The following NEBL variants were observed in gnomAD, a reference collection of about 807,000 sequenced individuals.
The protein encoded by NEBL is LIM and SH3 protein 2.
In NEBL, 122 loss-of-function variants were observed where a neutral mutation model predicts 140.2. That is an observed-to-expected ratio of 0.87 (90% CI 0.75 to 1.01). The LOEUF (loss-of-function observed/expected upper bound fraction) is 1.01. NEBL is among the 50% of genes least tolerant of loss of function. NEBL has a pLI of 0.00. For synonymous variants in NEBL, 436 were observed against 398.9 expected (o/e 1.09, Z -1.11); for missense variants, 1,365 against 1,231.3 (o/e 1.11, Z -1.62).
At chr10:21,194,365 A>C (rs576770056) in intron 3 of NEBL, among the ~76,000 whole-genome samples, 2 of 151,844 alleles carry the variant, frequency 1.3e-5, no homozygotes, top group Non-Finnish European at 2.9e-5. Context: ...AAGTTATTGA[A>C]GTAAGCATTG....
intron 8 of NEBL, 75 bp from the exon 9 acceptor site, chr10:20,858,419 T>C (rs976077050): frequency 1.4e-5 from 17 of 1,241,828 alleles, no homozygotes; most frequent in Non-Finnish European, 1.7e-5. Context: ...GCATTTTTCA[T>C]ACATCATAAA....
intron 26 of NEBL, among the ~76,000 whole-genome samples, chr10:20,794,160 G>A (rs897179204): frequency 1.3e-4 from 20 of 152,204 alleles, no homozygotes; most frequent in African/African-American, 4.6e-4. Flanking sequence ...ACGAGGCGAG[G>A]GGAAGCGGAC....
At chr10:20,890,648 G>A (rs1846952680) in intron 2 of NEBL, among the ~76,000 whole-genome samples, 1 of 152,218 alleles carries the variant, frequency 6.6e-6, no homozygotes, top group South Asian at 2.1e-4. Flanking sequence ...AGCCCAGTGA[G>A]GCTTAGCTAA....
At chr10:21,122,704 C>T (rs191417129) in intron 2 of NEBL, among the ~76,000 whole-genome samples, 3 of 152,210 alleles carry the variant, frequency 2.0e-5, no homozygotes, top group Admixed American at 6.5e-5. Flanking sequence ...GTGCAAAAAT[C>T]CTCAGTGTCT....
At chr10:20,980,495 C>T (rs560193878) in intron 3 of NEBL, among the ~76,000 whole-genome samples, 1 of 152,280 alleles carries the variant, frequency 6.6e-6, no homozygotes, top group African/African-American at 2.4e-5. Flanking sequence ...CTGCAGTGCA[C>T]ATACAATCGT....
chr10:20,961,216 T>C lies in NEBL; in HGVS notation c.357+456A>G, dbSNP rs531348120. On this transcript the variant is annotated intron_variant, in intron 4 of 6. Transcript: ENST00000417816. ...CAGCTTCAAGTCCAAAGCAACTACA[T>C]ATATAAATGTTTATTTCAAAAGTAA... Among the ~76,000 whole-genome samples, 199 of 152,298 alleles carry C rather than the reference T, an allele frequency of 1.3e-3. 1 individual carries two copies. The highest frequency in any genetic ancestry group is 2.3e-3 in the Non-Finnish European group (159 of 68,032).
intron 1 of NEBL, among the ~76,000 whole-genome samples, chr10:21,255,814 G>A (rs1842651961): frequency 6.6e-6 from 1 of 151,864 alleles, no homozygotes; most frequent in Non-Finnish European, 1.5e-5. Context: ...TGGCCAACAT[G>A]GTGAAACCCC....
At chr10:21,092,728 T>C (rs919582102) in intron 2 of NEBL, among the ~76,000 whole-genome samples, 2 of 152,102 alleles carry the variant, frequency 1.3e-5, no homozygotes, top group African/African-American at 4.8e-5. Flanking sequence ...TTAACTCTTT[T>C]TCTATTTTGA....
intron 3 of NEBL, among the ~76,000 whole-genome samples, chr10:21,181,271 A>C (rs1841382618): frequency 6.6e-6 from 1 of 152,008 alleles, no homozygotes; most frequent in Admixed American, 6.6e-5. Flanking sequence ...CTCAAAAAAA[A>C]AAAAAATTAT....
chr10:21,002,315 T>C (rs930338198), intron 3 of NEBL, among the ~76,000 whole-genome samples: 2 of 152,184 alleles, frequency 1.3e-5, no homozygotes, highest in Admixed American at 1.3e-4. Flanking sequence ...GAATTGCAGA[T>C]TACTTTCCAA....
chr10:20,902,732 C>G (rs939081730), intron 4 of NEBL, among the ~76,000 whole-genome samples: 1 of 152,050 alleles, frequency 6.6e-6, no homozygotes, highest in Non-Finnish European at 1.5e-5. Flanking sequence ...AAGCTAATAC[C>G]ATGATCACTC....
At position 20,859,767 on chromosome 10, in the gene NEBL, A is replaced by T; in HGVS notation, c.744T>A (p.Pro248=). 6.2e-7 allele frequency: 1 copy of T among 1,604,762 alleles called. No individual in the cohort carries two copies. The highest frequency in any genetic ancestry group is 8.5e-7 in the Non-Finnish European group (1 of 1,172,416). Residue 248 remains proline, a synonymous_variant, in exon 8 of 28, where the codon CCT becomes CCA. Coordinates refer to ENST00000377122, the MANE Select transcript of NEBL (RefSeq NM_006393.3). ...EMKDKKHHYN[P]LESASFRQNQ... ...TCTGCCTAAAAGAAGCACTTTCAAG[A>T]GGATTGTAATGATGTTTCTTATCCT...
intron 3 of NEBL, among the ~76,000 whole-genome samples, chr10:20,973,200 T>G (rs1036439710): frequency 6.6e-6 from 1 of 152,114 alleles, no homozygotes; most frequent in Non-Finnish European, 1.5e-5. Context: ...CAGACTATCC[T>G]GATTAATCTT....
chr10:20,792,599 C>G (rs564605040), intron 26 of NEBL, among the ~76,000 whole-genome samples: 3 of 152,028 alleles, frequency 2.0e-5, no homozygotes, highest in Admixed American at 2.0e-4. Flanking sequence ...CTCAGGAGTT[C>G]GAGACCAGCC....
intron 17 of NEBL, 85 bp downstream of exon 17, chr10:20,828,445 A>G (rs1840092211): frequency 7.0e-6 from 6 of 858,720 alleles, no homozygotes; most frequent in South Asian, 7.0e-5. Context: ...AGACAGCAGA[A>G]AACATCAGAC....
At chr10:21,050,117 C>T (rs912290235) in intron 2 of NEBL, among the ~76,000 whole-genome samples, 3 of 152,210 alleles carry the variant, frequency 2.0e-5, no homozygotes, top group African/African-American at 7.2e-5. Flanking sequence ...TAAACTGCTA[C>T]TATCTCATAA....
At chr10:21,248,321 AACTTTTGAG>A (rs1842544469) in intron 2 of NEBL, among the ~76,000 whole-genome samples, 1 of 151,920 alleles carries the variant, frequency 6.6e-6, no homozygotes, top group African/African-American at 2.4e-5. Flanking sequence ...ATACTTTTGA[AACTTTTGAG>A]ACTATCACTA....
At chr10:21,179,618 T>C (rs1368985091), upstream of NEBL, among the ~76,000 whole-genome samples, 1 of 152,064 alleles carries the variant, frequency 6.6e-6, no homozygotes, top group African/African-American at 2.4e-5. Context: ...CAAACCCTAC[T>C]GTTTCAGTGT....
At chr10:21,166,098 A>T (rs112971260) in intron 2 of NEBL, among the ~76,000 whole-genome samples, 4,154 of 151,666 alleles carry the variant, frequency 0.027, 214 homozygotes, top group African/African-American at 0.095. Flanking sequence ...CGGGCGCCTG[A>T]AGTCCCAGCT....
Sources: gnomAD v4.1 joint callset for allele counts (sites outside exome capture counted in the v4.1 genomes callset) on GRCh38, gnomAD v4.1.1 for gene constraint, MANE v1.5 for transcripts, NCBI Gene and HGNC (gene_info 2026-07-23, HGNC 2026-07-21) for gene names.